ZNF276: variants seen among roughly 807,000 people sequenced by gnomAD.
ZNF276 encodes the protein zinc finger protein 276, also known as centromere protein Z.
ZNF276 carries 59 observed loss-of-function variants against 63.9 expected under a neutral mutation model. The ratio of observed to expected loss-of-function variants is 0.92; its 90% confidence interval spans 0.75 to 1.15. The LOEUF (loss-of-function observed/expected upper bound fraction) is 1.15. Among genes scored for constraint, ZNF276 ranks in the 50% most tolerant of loss-of-function variants. The pLI is 0.00. For synonymous variants in ZNF276, 496 were observed against 348.4 expected (o/e 1.42, Z -4.72); for missense variants, 1,084 against 843.8 (o/e 1.28, Z -3.53).
intron 6 of ZNF276, chr16:89,732,841 G>A (rs1156813797): frequency 6.5e-5 from 13 of 199,396 alleles, no homozygotes; most frequent in Non-Finnish European, 1.3e-4. Flanking sequence ...TGTGTCCTGC[G>A]CCCTTGCCCT....
Position 89,740,120 on chromosome 16 carries a change from A to AC in ZNF276, c.*1877dup. On this transcript the variant is annotated 3_prime_UTR_variant, in exon 11 of 11. Coordinates refer to ENST00000443381, the MANE Select transcript of ZNF276 (RefSeq NM_001113525.2). ...GTGCTCTGTAAACCGCAGGAGACCA[A>AC]CCCTGAGAATGGCCGACCTGGTGCT... 3.7e-6 allele frequency: 6 copies of AC among 1,607,936 alleles called. No individual in the cohort carries two copies. The highest frequency in any genetic ancestry group is 3.3e-5 in the South Asian group (3 of 90,940).
Position 89,728,313 on chromosome 16 carries a change from C to G in ZNF276, c.1086-922C>G, listed in dbSNP as rs548878965. On this transcript the variant is annotated intron_variant, in intron 5 of 10. Coordinates refer to ENST00000443381, the MANE Select transcript of ZNF276 (RefSeq NM_001113525.2). ...GACCTCAGCTCACTGCAAACTCCACCTCCCGCGTTCAAGTGATTCTCCCGC... is the reference window on the plus strand; with the variant it reads ...GACCTCAGCTCACTGCAAACTCCACGTCCCGCGTTCAAGTGATTCTCCCGC... Among the ~76,000 whole-genome samples the G allele has an allele frequency of 1.7e-3, 263 of 152,108 alleles. 1 individual carries two copies. The highest frequency in any genetic ancestry group is 6.1e-3 in the African/African-American group (252 of 41,506).
In ZNF276 at chr16:89,730,979, G is replaced by A. The variant is rs537743284; in HGVS notation, c.1169+1661G>A. ...CACCCCCATGGGGAAAGAACTGACA[G>A]GCAGCAGTGAGGCCTGAGCCCAGCC... On this transcript the variant is annotated intron_variant, in intron 6 of 10. Transcript: ENST00000443381. 2.0e-5 allele frequency among the ~76,000 whole-genome samples: 3 copies of A among 152,380 alleles called. 1 individual carries two copies. In the South Asian group the frequency reaches 6.2e-4, roughly 32 times the overall value.
At position 89,733,199 on chromosome 16, in the gene ZNF276, T is replaced by C. The variant is rs2061732727; in HGVS notation, c.1170-103T>C. On this transcript the variant is annotated intron_variant, in intron 6 of 10. Transcript: ENST00000443381. ...GAGGGTCAGTCAGCACAGAAGCAAC[T>C]CAGGGAAGCTTCAGAAAAGACCATT... 6 of 1,104,124 alleles carry C rather than the reference T, an allele frequency of 5.4e-6. No individual in the cohort carries two copies. The Admixed American group carries it at 6.4e-5, about 12-fold the overall frequency. The allele number at this position is 1,104,124 out of a possible 1,614,324, so 68.4% of individuals were successfully genotyped here. A position where few individuals can be genotyped will look rare whatever the true frequency, so the allele number is the denominator to read the frequency against.
At position 89,738,689 on chromosome 16, in the gene ZNF276, T is replaced by A. The variant is rs2151709912; in HGVS notation, c.*443T>A. Reference sequence around the variant, plus strand: ...GGCGGCGCTCACCTCTGGGTCGCAGTCCCCACGATCAGCCAGCAGCTGTGA... The same window carrying A: ...GGCGGCGCTCACCTCTGGGTCGCAGACCCCACGATCAGCCAGCAGCTGTGA... On this transcript the variant is annotated 3_prime_UTR_variant, in exon 11 of 11. Transcript: ENST00000443381. 1 of 1,613,724 alleles carries A rather than the reference T, an allele frequency of 6.2e-7. No individual in the cohort carries two copies. Among genetic ancestry groups the A allele is most frequent in the Non-Finnish European group, 8.5e-7 (1 of 1,179,972 alleles).
chr16:89,734,056 G>A lies in ZNF276; in HGVS notation c.1474+18G>A, dbSNP rs752482349. 6.2e-7 allele frequency: 1 copy of A among 1,610,674 alleles called. No homozygotes were observed. On this transcript the variant is annotated intron_variant, in intron 9 of 10. Transcript: ENST00000443381. ...CCACACAGGTACGCCTATCGCCAGT[G>A]TCGCCCACGCGGGTGACAGCCAGGG...
At position 89,739,460 on chromosome 16, in the gene ZNF276, C is replaced by A. The variant is rs1402442687; in HGVS notation, c.*1214C>A. ...GGAAACACTGCCCAGCCCTGACCAG[C>A]CCTGTGGGTGGAGGTACCTGTAAAA... On this transcript the variant is annotated 3_prime_UTR_variant, in exon 11 of 11. Coordinates refer to ENST00000443381, the MANE Select transcript of ZNF276 (RefSeq NM_001113525.2). The A allele has an allele frequency of 1.3e-6, 2 of 1,551,854 alleles. No individual in the cohort carries two copies. The highest frequency in any genetic ancestry group is 1.7e-6 in the Non-Finnish European group (2 of 1,147,806).
rs566175597 is a variant in ZNF276, at chr16:89,738,437, C to G, written c.*191C>G. The stretch of plus-strand genomic sequence containing the variant: ...CCAGTGGTTTATTTTCCCGCAAACG[C>G]TGAGTGACTCGGGGCCGGACAGTTC... On this transcript the variant is annotated 3_prime_UTR_variant, in exon 11 of 11. Transcript: ENST00000443381. The G allele has an allele frequency of 1.4e-6, 2 of 1,385,114 alleles. No individual in the cohort carries two copies. Among genetic ancestry groups the G allele is most frequent in the East Asian group, 2.5e-5 (1 of 40,094 alleles). 85.8% of individuals were successfully genotyped at this position (1,385,114 alleles called of 1,614,324 possible). A position where few individuals can be genotyped will look rare whatever the true frequency, so the allele number is the denominator to read the frequency against.
intron 4 of ZNF276, among the ~76,000 whole-genome samples, chr16:89,724,051 G>C (rs1467307134): frequency 6.6e-6 from 1 of 152,260 alleles, no homozygotes; most frequent in Non-Finnish European, 1.5e-5. Flanking sequence ...GTGGATGTGG[G>C]AGAAAAGAAT....
At chr16:89,737,950 C>G in intron 10 of ZNF276, 26 bp from the exon 11 acceptor site, 1 of 1,614,144 alleles carries the variant, frequency 6.2e-7, no homozygotes, top group South Asian at 1.1e-5. Flanking sequence ...GGCCCTCGCA[C>G]CTTCTTATCT....
At chr16:89,735,506 C>G (rs904345630) in intron 9 of ZNF276, among the ~76,000 whole-genome samples, 2 of 113,272 alleles carry the variant, frequency 1.8e-5, no homozygotes, top group Non-Finnish European at 3.3e-5. Flanking sequence ...GATGGCAGCA[C>G]TTCCTTGGGT....
chr16:89,740,395 T>C lies in ZNF276; in HGVS notation c.*2149T>C. The C allele has an allele frequency of 2.1e-6, 1 of 485,418 alleles. No homozygotes were observed. The highest frequency in any genetic ancestry group is 3.7e-6 in the Non-Finnish European group (1 of 267,346). 30.1% of individuals were successfully genotyped at this position (485,418 alleles called of 1,614,324 possible). ...TGGCTCATGCCTGTAATCCCAACAC[T>C]TTGGGAGGCCGAGGTCGGCGGATCA... On this transcript the variant is annotated 3_prime_UTR_variant, in exon 11 of 11. Coordinates refer to ENST00000443381, the MANE Select transcript of ZNF276 (RefSeq NM_001113525.2).
At chr16:89,729,383 C>T (rs1279383672) in intron 6 of ZNF276, 65 bp downstream of exon 6, 1 of 1,423,380 alleles carries the variant, frequency 7.0e-7, no homozygotes. Context: ...CGCCTGTGCT[C>T]CAGGGCCTCT....
At chr16:89,736,268 T>C (rs1012220168) in intron 9 of ZNF276, among the ~76,000 whole-genome samples, 18 of 151,988 alleles carry the variant, frequency 1.2e-4, no homozygotes, top group Non-Finnish European at 2.2e-4. Context: ...CTCAGGTGAT[T>C]TGCCTGCCTT....
rs373877650 is a variant in ZNF276 at position 89,733,835 on chromosome 16, A to C, written c.1357-86A>C. The stretch of plus-strand genomic sequence containing the variant: ...GGAGGAGGAGTTGGATCTGCCTTCC[A>C]GGGGCCTCAGCTGTCACCTACTGAG... On this transcript the variant is annotated intron_variant, in intron 8 of 10. Transcript: ENST00000443381. 2.3e-6 allele frequency: 3 copies of C among 1,277,356 alleles called. No individual in the cohort carries two copies. The East Asian group carries it at 7.0e-5, about 30-fold the overall frequency. The allele number at this position is 1,277,356 out of a possible 1,614,324, so 79.1% of individuals were successfully genotyped here. A position where few individuals can be genotyped will look rare whatever the true frequency, so the allele number is the denominator to read the frequency against.
rs774810969 is a variant in ZNF276 at position 89,733,423 on chromosome 16, C to T, written c.1280+11C>T. 1.9e-6 allele frequency: 3 copies of T among 1,614,066 alleles called. No individual in the cohort carries two copies. Among genetic ancestry groups the T allele is most frequent in the Non-Finnish European group, 2.5e-6 (3 of 1,179,912 alleles). On this transcript the variant is annotated intron_variant, in intron 7 of 10. Transcript: ENST00000443381. ...GCTTCGTTGTGAGAGGTGATGCCTGCAACGCGAGGCTCGCCCTGCCTGTCG... is the reference window on the plus strand; with the variant it reads ...GCTTCGTTGTGAGAGGTGATGCCTGTAACGCGAGGCTCGCCCTGCCTGTCG...
At chr16:89,733,898 C>T (rs1307585042) in intron 8 of ZNF276, 23 bp from the exon 9 acceptor site, 6 of 1,610,238 alleles carry the variant, frequency 3.7e-6, no homozygotes, top group East Asian at 2.2e-5. Context: ...CTCTGAGGGT[C>T]TCTCACCGAG....
At chr16:89,726,309 G>C (rs1190038036) in intron 4 of ZNF276, among the ~76,000 whole-genome samples, 3 of 152,152 alleles carry the variant, frequency 2.0e-5, no homozygotes, top group Non-Finnish European at 4.4e-5. Flanking sequence ...CGATTCTCCT[G>C]CCTCAGCCTC....
chr16:89,729,110 A>T (rs1447085127), intron 5 of ZNF276, 125 bp from the exon 6 acceptor site: 6 of 778,518 alleles, frequency 7.7e-6, no homozygotes, highest in Non-Finnish European at 1.3e-5. Flanking sequence ...TAGATTTAAG[A>T]CATTTTCAGA....
Sources: gnomAD v4.1 joint callset for allele counts (sites outside exome capture counted in the v4.1 genomes callset) on GRCh38, gnomAD v4.1.1 for gene constraint, MANE v1.5 for transcripts, NCBI Gene and HGNC (gene_info 2026-07-23, HGNC 2026-07-21) for gene names.